The following BBS2 variants were observed in gnomAD, a reference collection of about 807,000 sequenced individuals.
BBS2 encodes BBSome complex member BBS2.
In BBS2, 62 loss-of-function variants were observed where a neutral mutation model predicts 83.0. That is an observed-to-expected ratio of 0.75 (90% CI 0.61 to 0.92). BBS2 has a LOEUF of 0.92. BBS2 is among the 40% of genes least tolerant of loss of function. BBS2 has a pLI of 0.00. For missense variants in BBS2, 784 were observed against 901.0 expected, an observed-to-expected ratio of 0.87 and a Z score of 1.66; for synonymous variants, 303 against 326.1, an observed-to-expected ratio of 0.93 and a Z score of 0.76.
At chr16:56,495,756 G>GT (rs1439999959) in intron 15 of BBS2, among the ~76,000 whole-genome samples, 4 of 131,856 alleles carry the variant, frequency 3.0e-5, no homozygotes, top group Admixed American at 7.7e-5. Flanking sequence ...TTATACAGAC[G>GT]TGTGTATATA....
At chr16:56,496,783 A>G (rs923796907) in intron 15 of BBS2, among the ~76,000 whole-genome samples, 184 bp downstream of exon 15, 3 of 152,270 alleles carry the variant, frequency 2.0e-5, no homozygotes, top group Admixed American at 1.3e-4. Context: ...TCCCTAAGCT[A>G]TAAACCAGGA....
At chr16:56,500,509 C>A in intron 11 of BBS2, 1 of 294,004 alleles carries the variant, frequency 3.4e-6, no homozygotes. Context: ...ACCTGTGGTC[C>A]CAGTACTCAG....
At chr16:56,488,441 T>C (rs1963849093) in intron 15 of BBS2, among the ~76,000 whole-genome samples, 1 of 152,162 alleles carries the variant, frequency 6.6e-6, no homozygotes, top group Admixed American at 6.5e-5. Context: ...GAGCAGTACA[T>C]AGAACCCAGG....
chr16:56,510,997 G>C, intron 3 of BBS2, 76 bp from the exon 4 acceptor site: 2 of 1,576,192 alleles, frequency 1.3e-6, no homozygotes, highest in Non-Finnish European at 1.7e-6. Flanking sequence ...ACATGAAGGA[G>C]AGGATTACAC....
At chr16:56,501,700 CAT>C in intron 9 of BBS2, 1 of 671,980 alleles carries the variant, frequency 1.5e-6, no homozygotes, top group South Asian at 1.9e-5. Flanking sequence ...AATACCCTTG[CAT>C]CTTTCTATGG....
chr16:56,475,446 G>A, intron 17 of BBS2: 1 of 1,461,280 alleles, frequency 6.8e-7, no homozygotes, highest in Non-Finnish European at 9.6e-7. Context: ...AGTGATTTAA[G>A]TAGATGGTGC....
At chr16:56,511,026 A>G in intron 3 of BBS2, 105 bp from the exon 4 acceptor site, 1 of 1,530,978 alleles carries the variant, frequency 6.5e-7, no homozygotes, top group South Asian at 1.1e-5. Context: ...AATGAATGCT[A>G]TTCGAATTAT....
intron 17 of BBS2, chr16:56,476,171 G>T: frequency 6.2e-7 from 1 of 1,612,704 alleles, no homozygotes; most frequent in South Asian, 1.1e-5. Context: ...AACAGAACAG[G>T]TTTCTGGGAC....
intron 15 of BBS2, among the ~76,000 whole-genome samples, chr16:56,488,512 G>GATGC (rs1408140360): frequency 6.6e-6 from 1 of 152,222 alleles, no homozygotes; most frequent in East Asian, 1.9e-4. Context: ...CAGATGAAGA[G>GATGC]ATGCATAGAA....
chr16:56,498,369 C>G, intron 13 of BBS2, 68 bp downstream of exon 13: 1 of 1,580,846 alleles, frequency 6.3e-7, no homozygotes, highest in Admixed American at 1.7e-5. Context: ...CCCTCTCATT[C>G]CATGGTCTAA....
At chr16:56,506,985 T>G (rs1964437934) in intron 5 of BBS2, among the ~76,000 whole-genome samples, 1 of 152,218 alleles carries the variant, frequency 6.6e-6, no homozygotes, top group Non-Finnish European at 1.5e-5. Flanking sequence ...AGAAATAAAT[T>G]GTATAAAGCA....
chr16:56,489,012 C>T (rs1390407986), intron 15 of BBS2, among the ~76,000 whole-genome samples: 1 of 152,014 alleles, frequency 6.6e-6, no homozygotes, highest in Non-Finnish European at 1.5e-5. Flanking sequence ...AGCTCCTGGC[C>T]TCAAGCCATC....
chr16:56,471,139 G>T (rs1326927687), intron 17 of BBS2, among the ~76,000 whole-genome samples: 1 of 151,472 alleles, frequency 6.6e-6, no homozygotes, highest in African/African-American at 2.4e-5. Flanking sequence ...ATCACCTGAG[G>T]CCAGGAGTTC....
intron 1 of BBS2, among the ~76,000 whole-genome samples, chr16:56,517,804 T>G (rs921903709): frequency 6.6e-6 from 1 of 152,020 alleles, no homozygotes; most frequent in Non-Finnish European, 1.5e-5. Flanking sequence ...TGAAGTTCTT[T>G]TTGGCATTTG....
At chr16:56,472,790 ATTG>A (rs1963258395) in intron 17 of BBS2, among the ~76,000 whole-genome samples, 1 of 152,100 alleles carries the variant, frequency 6.6e-6, no homozygotes, top group Admixed American at 6.5e-5. Flanking sequence ...TACCATATAT[ATTG>A]TTCTGTATTT....
chr16:56,485,550 C>A (rs1190520449), intron 16 of BBS2, 40 bp downstream of exon 16: 1 of 1,612,040 alleles, frequency 6.2e-7, no homozygotes, highest in East Asian at 2.2e-5. Flanking sequence ...CCACCAAAAA[C>A]ATTACAGATC....
At chr16:56,499,683 A>G in intron 12 of BBS2, 95 bp downstream of exon 12, 1 of 1,536,004 alleles carries the variant, frequency 6.5e-7, no homozygotes, top group Non-Finnish European at 9.0e-7. Flanking sequence ...ACTGCTACCA[A>G]TATAACACAT....
At chr16:56,492,412 A>G (rs1275640635) in intron 15 of BBS2, among the ~76,000 whole-genome samples, 2 of 152,250 alleles carry the variant, frequency 1.3e-5, no homozygotes, top group African/African-American at 4.8e-5. Flanking sequence ...AGCCAGTCAT[A>G]GAAGGACAAA....
chr16:56,497,638 C>A (rs1384408257), intron 14 of BBS2, 105 bp downstream of exon 14: 2 of 1,512,794 alleles, frequency 1.3e-6, no homozygotes, highest in East Asian at 4.5e-5. Flanking sequence ...TGCAAAAATT[C>A]TTGAAAACAT....
Sources: gnomAD v4.1 joint callset for allele counts (sites outside exome capture counted in the v4.1 genomes callset) on GRCh38, gnomAD v4.1.1 for gene constraint, MANE v1.5 for transcripts, NCBI Gene and HGNC (gene_info 2026-07-23, HGNC 2026-07-21) for gene names.